The following ARK2C variants were observed in gnomAD, a reference collection of about 807,000 sequenced individuals.
The protein encoded by ARK2C is E3 ubiquitin-protein ligase ARK2C.
chr18:46,441,530 TTCTC>T, the ARK2C span, among the ~76,000 whole-genome samples: 24 of 152,372 alleles, frequency 1.6e-4, no homozygotes, highest in African/African-American at 5.3e-4. Context: ...AATTTGTATG[TTCTC>T]TCTTTCATTC....
the ARK2C span, among the ~76,000 whole-genome samples, chr18:46,396,418 C>T: frequency 4.9e-4 from 74 of 152,186 alleles, no homozygotes; most frequent in Non-Finnish European, 9.4e-4. Context: ...AGACATTCTA[C>T]CTGCCCAGAC....
At chr18:46,362,302 C>A in the ARK2C span, among the ~76,000 whole-genome samples, 6 of 152,340 alleles carry the variant, frequency 3.9e-5, 1 homozygote, top group African/African-American at 1.4e-4. Flanking sequence ...CTAACTGAGA[C>A]TCTTAGGCCT....
the ARK2C span, chr18:46,433,323 C>T: frequency 6.2e-7 from 1 of 1,612,096 alleles, no homozygotes; most frequent in Non-Finnish European, 8.5e-7. Context: ...CAGGCCTCAG[C>T]GCCCACATGG....
chr18:46,412,363 C>A, the ARK2C span, among the ~76,000 whole-genome samples: 1 of 152,244 alleles, frequency 6.6e-6, no homozygotes, highest in African/African-American at 2.4e-5. Context: ...CAGAGGGTTA[C>A]CACTAAGCCT....
chr18:46,384,356 TG>T, the ARK2C span, among the ~76,000 whole-genome samples: 1 of 152,132 alleles, frequency 6.6e-6, no homozygotes, highest in Non-Finnish European at 1.5e-5. Flanking sequence ...TGTATGTGTG[TG>T]GGGGGGATTC....
At chr18:46,456,182 C>A in the ARK2C span, 2 of 751,190 alleles carry the variant, frequency 2.7e-6, no homozygotes, top group Non-Finnish European at 2.3e-6. Flanking sequence ...TTTGCTTGTG[C>A]ACGTATGTGC....
the ARK2C span, among the ~76,000 whole-genome samples, chr18:46,421,115 C>T: frequency 1.6e-4 from 25 of 152,320 alleles, no homozygotes; most frequent in South Asian, 2.3e-3. Flanking sequence ...TGACCACCTC[C>T]GTCCTGGGTC....
chr18:46,400,782 C>G, the ARK2C span, among the ~76,000 whole-genome samples: 3 of 152,152 alleles, frequency 2.0e-5, no homozygotes, highest in African/African-American at 7.2e-5. Flanking sequence ...TCACTGTGCT[C>G]CTAATGGCAA....
the ARK2C span, among the ~76,000 whole-genome samples, chr18:46,398,373 GC>G: frequency 6.6e-6 from 1 of 151,988 alleles, no homozygotes; most frequent in South Asian, 2.1e-4. Flanking sequence ...GTGTTGGATG[GC>G]AAGTGAAGTG....
chr18:46,374,933 C>T, the ARK2C span, among the ~76,000 whole-genome samples: 1 of 152,228 alleles, frequency 6.6e-6, no homozygotes, highest in Admixed American at 6.5e-5. Context: ...TCCCCAGTCA[C>T]TGCACTTCCC....
the ARK2C span, among the ~76,000 whole-genome samples, chr18:46,388,294 T>C: frequency 7.9e-3 from 1,196 of 152,234 alleles, 5 homozygotes; most frequent in African/African-American, 0.027. Context: ...CTTGGAAAGG[T>C]TGCAAACCTG....
the ARK2C span, among the ~76,000 whole-genome samples, chr18:46,348,984 A>G: frequency 6.6e-6 from 1 of 150,678 alleles, no homozygotes; most frequent in Admixed American, 6.6e-5. Context: ...GGTTGCATGG[A>G]GCACAGTTTG....
chr18:46,423,384 C>T, the ARK2C span, among the ~76,000 whole-genome samples: 1 of 152,206 alleles, frequency 6.6e-6, no homozygotes, highest in Non-Finnish European at 1.5e-5. Context: ...GCCTATTCCC[C>T]ATGGAGGCCA....
the ARK2C span, chr18:46,457,408 G>A: frequency 6.5e-6 from 1 of 152,998 alleles, no homozygotes; most frequent in Non-Finnish European, 1.5e-5. Context: ...GGGGGTCTAG[G>A]AGAGGGAGAG....
chr18:46,348,905 T>TGTGC, the ARK2C span, among the ~76,000 whole-genome samples: 57 of 6,326 alleles, frequency 9.0e-3, no homozygotes, highest in South Asian at 0.016. Flanking sequence ...TCTTTCTGTG[T>TGTGC]GTGTGTGTGT....
chr18:46,367,565 C>A, the ARK2C span, among the ~76,000 whole-genome samples: 1 of 152,160 alleles, frequency 6.6e-6, no homozygotes, highest in Non-Finnish European at 1.5e-5. Context: ...TTGCCTTGTG[C>A]CCTCATAATC....
the ARK2C span, chr18:46,337,533 C>G: frequency 1.0e-6 from 1 of 985,260 alleles, no homozygotes; most frequent in South Asian, 4.7e-5. Context: ...GTTGCCCTTC[C>G]GAAGCATGGT....
At chr18:46,370,736 G>A in the ARK2C span, among the ~76,000 whole-genome samples, 8 of 152,194 alleles carry the variant, frequency 5.3e-5, no homozygotes, top group Admixed American at 3.9e-4. Context: ...TCTCTGGGTG[G>A]CAAGACCCAA....
chr18:46,415,019 C>T, the ARK2C span, among the ~76,000 whole-genome samples: 2 of 152,168 alleles, frequency 1.3e-5, no homozygotes, highest in Admixed American at 1.3e-4. Flanking sequence ...CAGATAACAT[C>T]TGGAGCCAAA....
Sources: gnomAD v4.1 joint callset for allele counts (sites outside exome capture counted in the v4.1 genomes callset) on GRCh38, gnomAD v4.1.1 for gene constraint, MANE v1.5 for transcripts, NCBI Gene and HGNC (gene_info 2026-07-23, HGNC 2026-07-21) for gene names.